Variants in TNNT1 observed in about 807,000 individuals in gnomAD.
TNNT1 encodes the protein troponin T1, slow skeletal type, also known as troponin T, slow skeletal muscle.
Under a neutral mutation model 50.6 loss-of-function variants are expected in TNNT1, and 53 were observed. The ratio of observed to expected loss-of-function variants is 1.05; its 90% confidence interval spans 0.84 to 1.32. TNNT1 has a LOEUF of 1.32. Ranked by LOEUF, TNNT1 falls within the 40% of genes most tolerant of loss-of-function variation. The pLI, the probability that TNNT1 is intolerant of heterozygous loss-of-function variation, is 0.00. For synonymous variants in TNNT1, 142 were observed against 138.0 expected, an observed-to-expected ratio of 1.03 and a Z score of -0.20; for missense variants, 348 against 381.7, an observed-to-expected ratio of 0.91 and a Z score of 0.74.
chr19:55,141,131 C>G, intron 8 of TNNT1, 55 bp downstream of exon 8: 1 of 1,533,012 alleles, frequency 6.5e-7, no homozygotes, highest in Non-Finnish European at 9.0e-7. Context: ...TCCCAAGATG[C>G]AAGGGATCCA....
rs757982248 is a variant in TNNT1, at chr19:55,133,936, G to C, written c.751-9C>G. On this transcript the variant is annotated splice_polypyrimidine_tract_variant and intron_variant, in intron 12 of 13. Transcript: ENST00000588981. ...TTGTACAGCACGTTGATCTGCGGAG[G>C]CAGAAGACAGATGCTGGGACAGCCG... 6.2e-7 allele frequency: 1 copy of C among 1,612,716 alleles called. No individual in the cohort carries two copies. Among genetic ancestry groups the C allele is most frequent in the Non-Finnish European group, 8.5e-7 (1 of 1,180,012 alleles).
Position 55,141,921 on chromosome 19 carries a change from C to A in TNNT1, c.129-1G>T. On this transcript the variant is annotated splice_acceptor_variant, in intron 6 of 13. Transcript: ENST00000588981. LOFTEE classifies it high-confidence loss of function. ...GATCAAAGGAGGCACCACGGGGCGG[C>A]TGAGTGGACAGAAACACAGAGACCA... is the stretch of plus-strand genomic sequence containing the variant. The A allele has an allele frequency of 6.2e-7, 1 of 1,614,012 alleles. No homozygotes were observed. The highest frequency in any genetic ancestry group is 8.5e-7 in the Non-Finnish European group (1 of 1,179,950).
At chr19:55,142,356 C>T (rs577388340) in intron 6 of TNNT1, among the ~76,000 whole-genome samples, 2 of 151,818 alleles carry the variant, frequency 1.3e-5, no homozygotes, top group Admixed American at 1.3e-4. Flanking sequence ...CTCCTGACCT[C>T]GTGATCCGCC....
At chr19:55,147,738 G>C (rs2085604280) in intron 1 of TNNT1, among the ~76,000 whole-genome samples, 3 of 148,680 alleles carry the variant, frequency 2.0e-5, no homozygotes, top group African/African-American at 7.5e-5. Context: ...CTGGGTCTGA[G>C]GGAGGAGGGG....
At chr19:55,145,383 G>A in intron 6 of TNNT1, 161 bp downstream of exon 6, 3 of 689,684 alleles carry the variant, frequency 4.3e-6, no homozygotes, top group African/African-American at 1.8e-5. Context: ...GGGAGAGGAG[G>A]GAGGAGGGAA....
intron 11 of TNNT1, among the ~76,000 whole-genome samples, chr19:55,134,886 C>T (rs995016299): frequency 6.9e-6 from 1 of 145,582 alleles, no homozygotes; most frequent in African/African-American, 2.6e-5. Flanking sequence ...AAGAAAAGAC[C>T]GAGCCCAGGC....
intron 10 of TNNT1, among the ~76,000 whole-genome samples, 192 bp from the exon 11 acceptor site, chr19:55,137,404 A>T (rs1236123424): frequency 1.4e-5 from 2 of 145,422 alleles, no homozygotes; most frequent in Non-Finnish European, 3.0e-5. Flanking sequence ...AGGAGTCCAG[A>T]CCCCCAGTCC....
intron 4 of TNNT1, 41 bp from the exon 5 acceptor site, chr19:55,146,507 A>AG (rs761399518): frequency 1.0e-4 from 70 of 691,442 alleles, no homozygotes; most frequent in Non-Finnish European, 1.2e-4. Context: ...TTGGGGAGCG[A>AG]GGGGGGAGCG....
chr19:55,133,349 G>A (rs1972160287), intron 13 of TNNT1, among the ~76,000 whole-genome samples: 1 of 151,690 alleles, frequency 6.6e-6, no homozygotes, highest in Non-Finnish European at 1.5e-5. Context: ...AGAGGAGGGA[G>A]GAAGGAAGAG....
chr19:55,142,939 G>A (rs896099087), intron 6 of TNNT1, among the ~76,000 whole-genome samples: 2 of 151,340 alleles, frequency 1.3e-5, no homozygotes, highest in Non-Finnish European at 2.9e-5. Flanking sequence ...CAAGGTGGGC[G>A]AATCACTTGA....
intron 6 of TNNT1, among the ~76,000 whole-genome samples, chr19:55,144,072 C>CCTTT (rs1415495612): frequency 6.4e-5 from 8 of 124,054 alleles, no homozygotes; most frequent in Admixed American, 8.2e-5. Context: ...ACCCCACCCC[C>CCTTT]TTTTTTTTTT....
intron 13 of TNNT1, among the ~76,000 whole-genome samples, 162 bp from the exon 14 acceptor site, chr19:55,133,122 T>TG (rs1421558203): frequency 1.3e-5 from 2 of 151,162 alleles, no homozygotes; most frequent in Admixed American, 6.6e-5. Flanking sequence ...GTTCTATGAC[T>TG]GGGGGGCAGC....
In TNNT1 at chr19:55,141,915, G is replaced by A. The variant is rs201722303; in HGVS notation, c.134C>T (p.Pro45Leu). The A allele has an allele frequency of 9.2e-5, 148 of 1,614,020 alleles. No individual in the cohort carries two copies. The East Asian group carries it at 2.8e-3, about 30-fold the overall frequency. Residue 45 changes from proline to leucine, a missense_variant, in exon 7 of 14, where the codon CCC becomes CTC. Physicochemically the swap from Pro to Leu is moderately conservative, Grantham distance 98. This residue lies in a region of TNNT1 where 90 missense variants were observed against 70.8 expected (regional missense o/e 1.27). Transcript: ENST00000588981. ...TGGCGGGATCAAAGGAGGCACCACG[G>A]GGCGGCTGAGTGGACAGAAACACAG... ...PEEERPKPSR[P>L]VVPPLIPPKI...
At chr19:55,145,380 G>C in intron 6 of TNNT1, 164 bp downstream of exon 6, 1 of 684,780 alleles carries the variant, frequency 1.5e-6, no homozygotes, top group South Asian at 1.7e-5. Context: ...GGAGGGAGAG[G>C]AGGGAGGAGG....
intron 10 of TNNT1, 47 bp from the exon 11 acceptor site, chr19:55,137,259 A>T: frequency 2.2e-6 from 3 of 1,380,458 alleles, no homozygotes; most frequent in Non-Finnish European, 2.1e-6. Context: ...CACATCCCAC[A>T]GAGCACTGCC....
rs1041234929 is a variant in TNNT1 at position 55,147,153 on chromosome 19, G to C, written c.5C>G (p.Ser2Trp). ...CTCATATTCCTGCTCCTCGGTGTCC[G>C]ACATCCTGGTGCGGCCTAAGGACCA... Reference protein sequence around the residue: MSDTEEQEYEEE... With the variant: MWDTEEQEYEEE... Residue 2 changes from serine to tryptophan, a missense_variant, in exon 2 of 14, where the codon TCG (serine) becomes TGG (tryptophan). Ser to Trp is a radical substitution (Grantham distance 177). This residue lies in a region of TNNT1 where 90 missense variants were observed against 70.8 expected (regional missense o/e 1.27). Transcript: ENST00000588981. 7.4e-6 allele frequency: 12 copies of C among 1,613,560 alleles called. No individual in the cohort carries two copies. Among genetic ancestry groups the C allele is most frequent in the Admixed American group, 5.0e-5 (3 of 59,960 alleles).
At chr19:55,145,649 C>T (rs1026885481) in intron 5 of TNNT1, 84 bp from the exon 6 acceptor site, 1 of 1,518,428 alleles carries the variant, frequency 6.6e-7, no homozygotes, top group Non-Finnish European at 9.1e-7. Flanking sequence ...GGGGAGGGAC[C>T]CCCCAAGCCT....
Position 55,134,141 on chromosome 19 carries a change from C to T in TNNT1, c.675G>A (p.Glu225=), listed in dbSNP as rs372420290. The change falls in exon 12 of 14, where the codon GAG becomes GAA. Residue 225 remains glutamate, a synonymous_variant. Coordinates refer to ENST00000588981, the MANE Select transcript of TNNT1 (RefSeq NM_003283.6). ...PSCPAREKAQ[E]LSDWIHQLES... ...CCAGCTGGTGGATCCAGTCCGACAG[C>T]TCCTGGGCTTTCTCCCTGGCAGGGC... 3 of 1,608,252 alleles carry T rather than the reference C, an allele frequency of 1.9e-6. No homozygotes were observed. Among genetic ancestry groups the T allele is most frequent in the Non-Finnish European group, 2.5e-6 (3 of 1,177,858 alleles).
chr19:55,142,265 C>G (rs370973984), intron 6 of TNNT1, among the ~76,000 whole-genome samples: 2 of 149,968 alleles, frequency 1.3e-5, no homozygotes, highest in East Asian at 2.0e-4. Context: ...GGACTACAGG[C>G]GCCCACCACC....
Sources: allele counts gnomAD v4.1 joint callset (sites outside exome capture counted in the v4.1 genomes callset), GRCh38; gene constraint gnomAD v4.1.1; regional missense constraint gnomAD v4.1.1; transcripts MANE v1.5; gene names NCBI Gene and HGNC (gene_info 2026-07-23, HGNC 2026-07-21).